Variants in TNRC6C observed in about 807,000 individuals in gnomAD.
TNRC6C encodes the protein trinucleotide repeat containing adaptor 6C.
TNRC6C carries 20 observed loss-of-function variants against 153.7 expected under a neutral mutation model. The ratio of observed to expected loss-of-function variants is 0.13; its 90% CI spans 0.09 to 0.19. TNRC6C has a LOEUF of 0.19. Among genes scored for constraint, TNRC6C ranks in the 10% least tolerant of loss-of-function variants. The pLI is 1.00. For missense variants in TNRC6C, 1,987 were observed against 2,172.0 expected (o/e 0.91, Z 1.69); for synonymous variants, 811 against 841.4 (o/e 0.96, Z 0.63).
upstream of TNRC6C, among the ~76,000 whole-genome samples, chr17:77,958,976 C>T (rs2070836534): frequency 6.9e-6 from 1 of 144,808 alleles, no homozygotes; most frequent in Non-Finnish European, 1.5e-5. Context: ...GCCTAGGACC[C>T]GGACCCCGCC....
chr17:78,028,237 G>T (rs1276341200), intron 1 of TNRC6C, among the ~76,000 whole-genome samples: 1 of 152,138 alleles, frequency 6.6e-6, no homozygotes, highest in Non-Finnish European at 1.5e-5. Flanking sequence ...TTCTTCTGCA[G>T]AGTAGTCAAG....
chr17:78,022,856 T>C (rs767176676), intron 1 of TNRC6C, among the ~76,000 whole-genome samples: 12 of 152,276 alleles, frequency 7.9e-5, no homozygotes, highest in Non-Finnish European at 1.6e-4. Context: ...GACAGTTGCA[T>C]CTGTACTGAT....
At chr17:77,976,262 A>G (rs2070996278) in intron 1 of TNRC6C, among the ~76,000 whole-genome samples, 2 of 151,626 alleles carry the variant, frequency 1.3e-5, no homozygotes, top group African/African-American at 4.9e-5. Context: ...ATTTAACCCT[A>G]TCATAGACAT....
chr17:78,030,018 T>G (rs553578631), intron 1 of TNRC6C, among the ~76,000 whole-genome samples: 1 of 152,328 alleles, frequency 6.6e-6, no homozygotes, highest in African/African-American at 2.4e-5. Context: ...TTTGGCTTTT[T>G]TTTATGTAGA....
At chr17:78,071,513 G>A (rs2072996086) in intron 6 of TNRC6C, among the ~76,000 whole-genome samples, 1 of 151,950 alleles carries the variant, frequency 6.6e-6, no homozygotes. Context: ...GGCCTCCCGA[G>A]TAGAGCTGGG....
intron 1 of TNRC6C, among the ~76,000 whole-genome samples, chr17:78,010,675 G>T (rs990938523): frequency 1.3e-5 from 2 of 152,098 alleles, no homozygotes; most frequent in Non-Finnish European, 2.9e-5. Flanking sequence ...ATCTTTAGGG[G>T]ATGGCATCTT....
At position 77,974,542 on chromosome 17, in the gene TNRC6C, C is replaced by T. The variant is rs144526362; in HGVS notation, c.-38+15274C>T. Among the ~76,000 whole-genome samples the T allele has an allele frequency of 2.7e-3, 409 of 151,992 alleles. 1 individual carries two copies. Among genetic ancestry groups the T allele is most frequent in the African/African-American group, 7.9e-3 (327 of 41,448 alleles). ...GAGTCTTGCTGTGTTGCCCAGGCTG[C>T]CCTTGAACTCCTGGGCTTGAGAGAT... On this transcript the variant is annotated intron_variant, in intron 1 of 22. Coordinates refer to the TNRC6C transcript ENST00000636222.
chr17:78,083,288 T>C (rs1598771801), intron 11 of TNRC6C, 122 bp downstream of exon 13: 1 of 1,346,348 alleles, frequency 7.4e-7, no homozygotes, highest in East Asian at 2.4e-5. Flanking sequence ...GAGACTCTCA[T>C]GAAGTATTTA....
rs147791172 is a variant in TNRC6C, at chr17:77,983,644, A to G, written c.-37-20526A>G. On this transcript the variant is annotated intron_variant, in intron 1 of 22. Transcript: ENST00000636222. ...TGAGGTCACAAGACATGTTGGATGC[A>G]TAGTGAGAGAAGAAAGTTAGGGACA... 2.6e-3 allele frequency among the ~76,000 whole-genome samples: 398 copies of G among 152,364 alleles called. 1 individual carries two copies. The highest frequency in any genetic ancestry group is 7.2e-3 in the Admixed American group (110 of 15,308).
At chr17:78,070,996 G>T (rs2072983626) in intron 5 of TNRC6C, 89 bp from the exon 8 acceptor site, 1 of 1,255,108 alleles carries the variant, frequency 8.0e-7, no homozygotes, top group South Asian at 1.3e-5. Context: ...ACTTTTAAAT[G>T]ACCCTGAATT....
chr17:78,095,732 G>A (rs1057153642), intron 16 of TNRC6C, among the ~76,000 whole-genome samples: 4 of 152,108 alleles, frequency 2.6e-5, no homozygotes, highest in Non-Finnish European at 4.4e-5. Context: ...ATCTCTTCAC[G>A]TAGAAATTGC....
At chr17:78,004,259 C>T, upstream of TNRC6C, 1 of 1,231,636 alleles carries the variant, frequency 8.1e-7, no homozygotes, top group Non-Finnish European at 1.0e-6. Flanking sequence ...AAGGAAGGTG[C>T]TCAGAAAAAG....
Position 78,091,537 on chromosome 17 carries a change from G to A in TNRC6C, c.3900G>A (p.Trp1300Ter). Residue 1300 changes from tryptophan (W) to a stop codon, truncating the protein, a stop_gained, in exon 14 of 20, where the codon TGG (tryptophan) becomes TGA (stop). Transcript: ENST00000301624. LOFTEE classifies it high-confidence loss of function. The stretch of plus-strand genomic sequence containing the variant: ...AGTCCCAGTCACGCCTCCCCCAGTG[G>A]ACGCACCCCAACTCCATGGATAACT... 6.2e-7 allele frequency: 1 copy of A among 1,608,530 alleles called. No individual in the cohort carries two copies. The highest frequency in any genetic ancestry group is 8.5e-7 in the Non-Finnish European group (1 of 1,177,892).
chr17:78,077,293 G>T, exon 9 of TNRC6C: 1 of 1,586,434 alleles, frequency 6.3e-7, no homozygotes, highest in East Asian at 2.3e-5. Flanking sequence ...GGGTGGGATT[G>T]CCTCCGGGCT....
chr17:77,966,660 T>C (rs1321722055), intron 1 of TNRC6C, among the ~76,000 whole-genome samples: 1 of 152,212 alleles, frequency 6.6e-6, no homozygotes, highest in Non-Finnish European at 1.5e-5. Context: ...GTTTATTGTA[T>C]GAGGTTGTGT....
At chr17:78,048,323 C>T (rs2072450467) in intron 2 of TNRC6C, among the ~76,000 whole-genome samples, 1 of 152,152 alleles carries the variant, frequency 6.6e-6, no homozygotes, top group Non-Finnish European at 1.5e-5. Context: ...GTCACCACTT[C>T]CCCCACCCCA....
exon 4 of TNRC6C, chr17:78,064,923 C>T (rs747788564): frequency 6.2e-7 from 1 of 1,609,954 alleles, no homozygotes; most frequent in South Asian, 1.1e-5. Context: ...GCTGCCTCAG[C>T]CCTGTGCAAA....
At chr17:78,055,692 T>G (rs904886629) in intron 3 of TNRC6C, among the ~76,000 whole-genome samples, 9 of 152,338 alleles carry the variant, frequency 5.9e-5, no homozygotes, top group African/African-American at 2.2e-4. Context: ...CTGGAAGAGT[T>G]CAGGCTACAG....
chr17:78,070,799 T>C (rs573730723), intron 5 of TNRC6C, among the ~76,000 whole-genome samples: 1 of 152,342 alleles, frequency 6.6e-6, no homozygotes, highest in African/African-American at 2.4e-5. Context: ...AAGTAGTCTA[T>C]ATTTGTGATA....
Sources: allele counts gnomAD v4.1 joint callset (sites outside exome capture counted in the v4.1 genomes callset), GRCh38; gene constraint gnomAD v4.1.1; transcripts MANE v1.5; gene names NCBI Gene and HGNC (gene_info 2026-07-23, HGNC 2026-07-21).